The following OR9Q1 variants were observed in gnomAD, a reference collection of about 807,000 sequenced individuals.
OR9Q1 encodes the protein olfactory receptor family 9 subfamily Q member 1, also known as olfactory receptor 9Q1.
For missense variants in OR9Q1, 374 were observed against 378.8 expected (o/e 0.99, Z 0.11); for synonymous variants, 153 against 148.6 (o/e 1.03, Z -0.22).
At chr11:58,170,539 T>C (rs1854544727) in intron 2 of OR9Q1, among the ~76,000 whole-genome samples, 1 of 152,186 alleles carries the variant, frequency 6.6e-6, no homozygotes, top group Admixed American at 6.6e-5. Flanking sequence ...CATTGTGATA[T>C]GGTTTGACTG....
intron 1 of OR9Q1, among the ~76,000 whole-genome samples, chr11:58,034,660 T>C (rs1853077930): frequency 6.6e-6 from 1 of 152,090 alleles, no homozygotes; most frequent in Non-Finnish European, 1.5e-5. Context: ...ACATGGTCAA[T>C]ACTGGGTCCC....
At chr11:58,030,256 C>G (rs1853018090) in intron 1 of OR9Q1, among the ~76,000 whole-genome samples, 1 of 152,178 alleles carries the variant, frequency 6.6e-6, no homozygotes, top group Non-Finnish European at 1.5e-5. Context: ...GACTGAAGCT[C>G]AGCTTTTTCC....
chr11:58,055,033 G>A (rs551621458), intron 1 of OR9Q1, among the ~76,000 whole-genome samples: 1 of 152,350 alleles, frequency 6.6e-6, no homozygotes, highest in African/African-American at 2.4e-5. Context: ...TGAAGTTTGA[G>A]CAAATGACTT....
rs568449523 is a variant in OR9Q1 at position 58,120,628 on chromosome 11, A to C, written c.-14-58803A>C. 4.6e-5 allele frequency among the ~76,000 whole-genome samples: 7 copies of C among 151,816 alleles called. No homozygotes were observed. In the South Asian group the frequency reaches 1.5e-3, roughly 32 times the overall value. On this transcript the variant is annotated intron_variant, in intron 2 of 2. Transcript: ENST00000335397. Reference sequence around the variant, plus strand: ...AAGTTAATACCTGTAAGAAGTGTAGATCAGTACCCAGCACATAAAGCTAAA... The same window carrying C: ...AAGTTAATACCTGTAAGAAGTGTAGCTCAGTACCCAGCACATAAAGCTAAA...
chr11:58,034,809 C>CCTTCCTTCCTTCCTTCCTTCCTTG, intron 1 of OR9Q1, among the ~76,000 whole-genome samples: 1 of 140,696 alleles, frequency 7.1e-6, no homozygotes, highest in East Asian at 2.2e-4. Context: ...TTCCTTCCTT[C>CCTTCCTTCCTTCCTTCCTTCCTTG]CTTCCTTCCT....
intron 2 of OR9Q1, among the ~76,000 whole-genome samples, chr11:58,094,548 A>G (rs1041653412): frequency 5.3e-5 from 8 of 152,222 alleles, no homozygotes; most frequent in African/African-American, 1.9e-4. Flanking sequence ...CTCTGACAGA[A>G]TGAACTTTCA....
intron 2 of OR9Q1, among the ~76,000 whole-genome samples, chr11:58,110,113 G>A (rs1853885106): frequency 6.6e-6 from 1 of 152,160 alleles, no homozygotes; most frequent in African/African-American, 2.4e-5. Context: ...GTGCCTCCAG[G>A]GTTGTCAGTG....
At chr11:58,126,922 C>A (rs570923842) in intron 2 of OR9Q1, among the ~76,000 whole-genome samples, 1 of 152,018 alleles carries the variant, frequency 6.6e-6, no homozygotes, top group Non-Finnish European at 1.5e-5. Context: ...ATAACATAAT[C>A]ATTACTATTG....
chr11:58,071,725 C>T (rs994026496), intron 2 of OR9Q1, among the ~76,000 whole-genome samples: 7 of 152,098 alleles, frequency 4.6e-5, no homozygotes, highest in Non-Finnish European at 8.8e-5. Context: ...GTTTGCATGC[C>T]ACCCAAATTT....
chr11:58,146,506 GTAAT>G (rs1854300233), intron 2 of OR9Q1, among the ~76,000 whole-genome samples: 1 of 152,120 alleles, frequency 6.6e-6, no homozygotes, highest in South Asian at 2.1e-4. Flanking sequence ...TAAGTTTAGA[GTAAT>G]AAATAAGATA....
intron 1 of OR9Q1, among the ~76,000 whole-genome samples, chr11:58,038,601 A>C (rs1009000399): frequency 6.6e-5 from 10 of 152,192 alleles, no homozygotes; most frequent in Non-Finnish European, 1.2e-4. Flanking sequence ...GGTAGAAACT[A>C]CCTGGTAACC....
intron 2 of OR9Q1, among the ~76,000 whole-genome samples, chr11:58,089,596 G>T (rs778518586): frequency 7.9e-5 from 12 of 151,874 alleles, no homozygotes; most frequent in Non-Finnish European, 2.9e-5. Context: ...GATGCCTCCA[G>T]ATTTGTTCTT....
intron 2 of OR9Q1, among the ~76,000 whole-genome samples, chr11:58,084,734 T>A (rs190092535): frequency 9.9e-5 from 15 of 151,954 alleles, no homozygotes; most frequent in Non-Finnish European, 7.4e-5. Flanking sequence ...TTCTATAAAA[T>A]GCAACATCCT....
intron 1 of OR9Q1, among the ~76,000 whole-genome samples, chr11:58,052,902 C>T (rs1377873006): frequency 2.6e-5 from 4 of 151,862 alleles, no homozygotes; most frequent in East Asian, 1.9e-4. Flanking sequence ...CAATGAGATA[C>T]CATCTCACAC....
At chr11:58,052,619 G>GAAA (rs201518399) in intron 1 of OR9Q1, among the ~76,000 whole-genome samples, 2,211 of 50,182 alleles carry the variant, frequency 0.044, 93 homozygotes, top group African/African-American at 0.11. Context: ...AGAAAAAAAG[G>GAAA]AAAAAAAAAA....
intron 2 of OR9Q1, among the ~76,000 whole-genome samples, chr11:58,082,831 T>C (rs988049938): frequency 4.7e-5 from 7 of 149,862 alleles, no homozygotes; most frequent in African/African-American, 1.5e-4. Context: ...TTTTAGGGTA[T>C]ATGTGCACAA....
chr11:58,073,966 C>T (rs1474615934), intron 2 of OR9Q1, among the ~76,000 whole-genome samples: 8 of 152,086 alleles, frequency 5.3e-5, no homozygotes, highest in Non-Finnish European at 8.8e-5. Flanking sequence ...TCCATGTCCT[C>T]GCAAAGGACA....
chr11:58,103,663 C>A (rs1590591568), intron 2 of OR9Q1, among the ~76,000 whole-genome samples: 1 of 151,774 alleles, frequency 6.6e-6, no homozygotes, highest in Non-Finnish European at 1.5e-5. Context: ...TTGTTTTTTA[C>A]TTTTTAATGT....
At chr11:58,105,336 A>G (rs1231077420) in intron 2 of OR9Q1, among the ~76,000 whole-genome samples, 1 of 152,200 alleles carries the variant, frequency 6.6e-6, no homozygotes, top group African/African-American at 2.4e-5. Flanking sequence ...TTATACCTTT[A>G]TTGAGGTATA....
Sources: allele counts gnomAD v4.1 joint callset (sites outside exome capture counted in the v4.1 genomes callset), GRCh38; gene constraint gnomAD v4.1.1; transcripts MANE v1.5; gene names NCBI Gene and HGNC (gene_info 2026-07-23, HGNC 2026-07-21).